KCNH8: variants seen among roughly 807,000 people sequenced by gnomAD.
The protein encoded by KCNH8 is voltage-gated delayed rectifier potassium channel KCNH8.
Under a neutral mutation model 103.6 loss-of-function variants are expected in KCNH8, and 70 were observed. The observed-to-expected ratio is 0.68, with a 90% CI of 0.56 to 0.82. KCNH8 has a LOEUF of 0.82. Ranked by LOEUF, KCNH8 falls within the 40% of genes least tolerant of loss-of-function variation. The pLI, the probability that KCNH8 is intolerant of heterozygous loss-of-function variation, is 0.00. For synonymous variants in KCNH8, 498 were observed against 489.4 expected, an observed-to-expected ratio of 1.02 and a Z score of -0.23; for missense variants, 1,217 against 1,329.9, an observed-to-expected ratio of 0.92 and a Z score of 1.32.
At chr3:19,273,080 T>C (rs1231821129) in intron 2 of KCNH8, among the ~76,000 whole-genome samples, 1 of 152,148 alleles carries the variant, frequency 6.6e-6, no homozygotes, top group Non-Finnish European at 1.5e-5. Flanking sequence ...AACTAGATAA[T>C]CCCAGAGTCC....
chr3:19,229,117 A>G (rs2063965031), intron 1 of KCNH8, among the ~76,000 whole-genome samples: 1 of 152,236 alleles, frequency 6.6e-6, no homozygotes, highest in African/African-American at 2.4e-5. Context: ...TGTTCTAAGT[A>G]TTACCCATTA....
At chr3:19,302,941 T>G (rs1468044101) in intron 3 of KCNH8, among the ~76,000 whole-genome samples, 1 of 152,202 alleles carries the variant, frequency 6.6e-6, no homozygotes, top group Non-Finnish European at 1.5e-5. Flanking sequence ...CAAGCCACTA[T>G]TATCCTTGGG....
chr3:19,460,768 AC>A (rs1186225232), intron 11 of KCNH8, among the ~76,000 whole-genome samples: 3 of 152,138 alleles, frequency 2.0e-5, no homozygotes, highest in Non-Finnish European at 4.4e-5. Flanking sequence ...CATGGGAAGG[AC>A]CAGGTGGAGA....
At chr3:19,351,212 C>T (rs1366881775) in intron 5 of KCNH8, among the ~76,000 whole-genome samples, 1 of 152,028 alleles carries the variant, frequency 6.6e-6, no homozygotes, top group Non-Finnish European at 1.5e-5. Context: ...ATGAACAAAG[C>T]CTCCAAGAAA....
chr3:19,526,081 CATTTA>C (rs939458326), intron 15 of KCNH8, among the ~76,000 whole-genome samples: 2 of 151,808 alleles, frequency 1.3e-5, no homozygotes, highest in African/African-American at 4.8e-5. Context: ...AATGAAAAAC[CATTTA>C]ATTTACCGAA....
intron 3 of KCNH8, among the ~76,000 whole-genome samples, chr3:19,326,178 C>A (rs1470302967): frequency 6.6e-6 from 1 of 151,572 alleles, no homozygotes; most frequent in Non-Finnish European, 1.5e-5. Context: ...ACACTGGGGC[C>A]TATAGGAGGG....
chr3:19,503,538 C>A (rs889919189), intron 11 of KCNH8, among the ~76,000 whole-genome samples: 4 of 151,984 alleles, frequency 2.6e-5, no homozygotes, highest in South Asian at 2.1e-4. Context: ...CAAATATCCA[C>A]CAATGATAGA....
chr3:19,182,460 G>A (rs1478509637), intron 1 of KCNH8, among the ~76,000 whole-genome samples: 1 of 152,214 alleles, frequency 6.6e-6, no homozygotes, highest in East Asian at 1.9e-4. Context: ...GAACCCGGGA[G>A]GCAGAGCTTG....
At chr3:19,286,391 GCA>G (rs1248507625) in intron 3 of KCNH8, among the ~76,000 whole-genome samples, 1 of 152,218 alleles carries the variant, frequency 6.6e-6, no homozygotes, top group African/African-American at 2.4e-5. Flanking sequence ...CGGTGTGAAT[GCA>G]CAGAGGGACT....
chr3:19,365,335 T>C (rs1435258163), intron 5 of KCNH8, among the ~76,000 whole-genome samples: 1 of 152,130 alleles, frequency 6.6e-6, no homozygotes, highest in Non-Finnish European at 1.5e-5. Flanking sequence ...TTGTTTTCTC[T>C]ACTTGTTTTA....
chr3:19,498,744 AC>A (rs971611170), intron 11 of KCNH8, among the ~76,000 whole-genome samples: 1 of 152,096 alleles, frequency 6.6e-6, no homozygotes, highest in Non-Finnish European at 1.5e-5. Flanking sequence ...ATGGTGATGT[AC>A]AGATGGGTTT....
intron 3 of KCNH8, among the ~76,000 whole-genome samples, chr3:19,328,103 A>G (rs2065456527): frequency 6.6e-6 from 1 of 152,114 alleles, no homozygotes; most frequent in Non-Finnish European, 1.5e-5. Flanking sequence ...ACTGTTTATA[A>G]CAAACATATT....
chr3:19,515,391 A>T lies in KCNH8; in HGVS notation c.2505A>T (p.Arg835=), dbSNP rs778730738. 32 of 1,576,184 alleles carry T rather than the reference A, an allele frequency of 2.0e-5. No individual in the cohort carries two copies. The highest frequency in any genetic ancestry group is 2.7e-5 in the Non-Finnish European group (31 of 1,160,740). The change falls in exon 14 of 16, where the codon CGA becomes CGT. Residue 835 remains arginine, a synonymous_variant. Transcript: ENST00000328405. ...ESQTFDFGSE[R]IRSEPRISPP... ...AGACTTTTGATTTTGGCTCTGAACGAATCAGATCAGAGCCCAGAATTTCTC... is the reference window on the plus strand; with the variant it reads ...AGACTTTTGATTTTGGCTCTGAACGTATCAGATCAGAGCCCAGAATTTCTC...
At chr3:19,245,634 A>G (rs1031425148) in intron 1 of KCNH8, among the ~76,000 whole-genome samples, 2 of 152,030 alleles carry the variant, frequency 1.3e-5, no homozygotes, top group African/African-American at 2.4e-5. Flanking sequence ...TTTCAGCCAA[A>G]TTTTATGGTA....
Position 19,500,462 on chromosome 3 carries a change from C to A in KCNH8, c.2041-9901C>A, listed in dbSNP as rs1412231439. Reference sequence around the variant, plus strand: ...TAATAGACATCTACAGAACTCTCCACCCCAAATCAACAGAATATACATTTT... The same window carrying A: ...TAATAGACATCTACAGAACTCTCCAACCCAAATCAACAGAATATACATTTT... On this transcript the variant is annotated intron_variant, in intron 11 of 15. Coordinates refer to ENST00000328405, the MANE Select transcript of KCNH8 (RefSeq NM_144633.3). Among the ~76,000 whole-genome samples, 3 of 149,544 alleles carry A rather than the reference C, an allele frequency of 2.0e-5. No individual in the cohort carries two copies. The East Asian group carries it at 5.8e-4, about 29-fold the overall frequency.
At position 19,279,667 on chromosome 3, in the gene KCNH8, A is replaced by C. The variant is rs958313776; in HGVS notation, c.311-1531A>C. Reference sequence around the variant, plus strand: ...TTATATTCCATGTGTAACTTATGAGAGCAGCACATCATACATCATCCAACC... The same window carrying C: ...TTATATTCCATGTGTAACTTATGAGCGCAGCACATCATACATCATCCAACC... On this transcript the variant is annotated intron_variant, in intron 2 of 15. Transcript: ENST00000328405. Among the ~76,000 whole-genome samples the C allele has an allele frequency of 2.3e-4, 35 of 152,236 alleles. 1 individual carries two copies. Among genetic ancestry groups the C allele is most frequent in the African/African-American group, 8.4e-4 (35 of 41,568 alleles).
intron 5 of KCNH8, among the ~76,000 whole-genome samples, chr3:19,389,054 T>A (rs1404097606): frequency 6.6e-6 from 1 of 152,196 alleles, no homozygotes; most frequent in Non-Finnish European, 1.5e-5. Context: ...ATAATACTAA[T>A]CTTCCTTGTC....
At chr3:19,246,274 G>GTTTTTTTT (rs920423108) in intron 1 of KCNH8, among the ~76,000 whole-genome samples, 34 of 86,336 alleles carry the variant, frequency 3.9e-4, no homozygotes, top group Admixed American at 6.6e-4. Flanking sequence ...TGTTGTTGTT[G>GTTTTTTTT]TTTTTTTTTT....
At chr3:19,318,253 A>C (rs2065300880) in intron 3 of KCNH8, among the ~76,000 whole-genome samples, 1 of 151,782 alleles carries the variant, frequency 6.6e-6, no homozygotes, top group Non-Finnish European at 1.5e-5. Flanking sequence ...AATACCTGAG[A>C]CTGGGCAATT....
Sources: allele counts gnomAD v4.1 joint callset (sites outside exome capture counted in the v4.1 genomes callset), GRCh38; gene constraint gnomAD v4.1.1; transcripts MANE v1.5; gene names NCBI Gene and HGNC (gene_info 2026-07-23, HGNC 2026-07-21).